Variants in IKZF2 observed in about 807,000 individuals in gnomAD.
The protein encoded by IKZF2 is zinc finger protein Helios.
IKZF2 carries 15 observed loss-of-function variants against 49.2 expected under a neutral mutation model. The observed-to-expected ratio is 0.30, with a 90% CI of 0.20 to 0.47. The LOEUF (loss-of-function observed/expected upper bound fraction) is 0.47. Ranked by LOEUF, IKZF2 falls within the 20% of genes least tolerant of loss-of-function variation. IKZF2 has a pLI of 1.00. For synonymous variants in IKZF2, 227 were observed against 221.4 expected (o/e 1.03, Z -0.23); for missense variants, 567 against 664.6 (o/e 0.85, Z 1.61).
Position 213,063,765 on chromosome 2 carries a change from G to A in IKZF2, c.140-6666C>T, listed in dbSNP as rs1050125508. On this transcript the variant is annotated intron_variant, in intron 4 of 8. Transcript: ENST00000434687. ...TCAATTCAAGATCTTTTGACTCGTAGCCTATCCATCCTTCTATGACATGAT... is the reference window on the plus strand; with the variant it reads ...TCAATTCAAGATCTTTTGACTCGTAACCTATCCATCCTTCTATGACATGAT... Among the ~76,000 whole-genome samples the A allele has an allele frequency of 2.0e-5, 3 of 151,874 alleles. No individual in the cohort carries two copies. In the South Asian group the frequency reaches 6.2e-4, roughly 32 times the overall value.
Position 213,005,076 on chromosome 2 carries a change from C to T in IKZF2, c.*2284G>A, listed in dbSNP as rs1049999306. The T allele has an allele frequency of 3.3e-5, 5 of 151,088 alleles. No homozygotes were observed. In the East Asian group the frequency reaches 9.9e-4, roughly 30 times the overall value. The allele number at this position is 151,088 out of a possible 1,614,324, so 9.4% of individuals were successfully genotyped here. A position where few individuals can be genotyped will look rare whatever the true frequency, so the allele number is the denominator to read the frequency against. On this transcript the variant is annotated 3_prime_UTR_variant, in exon 9 of 9. Coordinates refer to ENST00000434687, the MANE Select transcript of IKZF2 (RefSeq NM_001387220.1). Reference sequence around the variant, plus strand: ...CCAAAATTATGAACATATTGACTGACATCCAAATGTTTCCTTAAATTGCAG... The same window carrying T: ...CCAAAATTATGAACATATTGACTGATATCCAAATGTTTCCTTAAATTGCAG...
intron 7 of IKZF2, among the ~76,000 whole-genome samples, chr2:213,019,216 T>C (rs1238981278): frequency 3.3e-5 from 5 of 152,164 alleles, no homozygotes; most frequent in Admixed American, 3.3e-4. Context: ...AATATAACTA[T>C]GTCAGATATT....
In IKZF2 at chr2:213,003,609, T is replaced by G. The variant is rs1231528287; in HGVS notation, c.*3751A>C. On this transcript the variant is annotated 3_prime_UTR_variant, in exon 9 of 9. Transcript: ENST00000434687. Reference sequence around the variant, plus strand: ...AGCCCCGTCTGCTCTTTTTGTACCCTAAGAAATCATTTTGGAGATAGGATG... The same window carrying G: ...AGCCCCGTCTGCTCTTTTTGTACCCGAAGAAATCATTTTGGAGATAGGATG... The G allele has an allele frequency of 1.3e-5, 2 of 151,824 alleles. No homozygotes were observed. The highest frequency in any genetic ancestry group is 4.8e-5 in the African/African-American group (2 of 41,514). 9.4% of individuals were successfully genotyped at this position (151,824 alleles called of 1,614,324 possible).
chr2:213,146,283 TA>T (rs1313266230), intron 4 of IKZF2, among the ~76,000 whole-genome samples: 1 of 152,112 alleles, frequency 6.6e-6, no homozygotes, highest in Non-Finnish European at 1.5e-5. Context: ...AGTCATAGTA[TA>T]TTTTTTATCA....
At chr2:213,056,789 C>T (rs747017563) in intron 5 of IKZF2, 44 bp downstream of exon 5, 8 of 1,609,134 alleles carry the variant, frequency 5.0e-6, no homozygotes, top group Non-Finnish European at 6.8e-6. Flanking sequence ...ATATCAACAT[C>T]AGATGTCACA....
At chr2:213,027,994 A>T (rs6435754) in intron 6 of IKZF2, among the ~76,000 whole-genome samples, 151,037 of 152,226 alleles carry the variant, frequency 0.99, 74,937 homozygotes, top group Middle Eastern at 1. Flanking sequence ...AGATAAAACA[A>T]ATAAATATGT....
intron 4 of IKZF2, among the ~76,000 whole-genome samples, chr2:213,094,960 G>A (rs1705803553): frequency 6.6e-6 from 1 of 152,070 alleles, no homozygotes; most frequent in Admixed American, 6.6e-5. Flanking sequence ...AAGGTATTTT[G>A]GAAACAGAAT....
At chr2:213,072,681 T>C (rs1431641769) in intron 4 of IKZF2, among the ~76,000 whole-genome samples, 1 of 152,170 alleles carries the variant, frequency 6.6e-6, no homozygotes, top group South Asian at 2.1e-4. Flanking sequence ...TCCCCATTTA[T>C]AGGGCACCTT....
intron 7 of IKZF2, among the ~76,000 whole-genome samples, chr2:213,021,015 C>G (rs1377167177): frequency 6.6e-6 from 1 of 152,098 alleles, no homozygotes; most frequent in Admixed American, 6.5e-5. Flanking sequence ...GAGTTTGAGA[C>G]CAGCCTGGCC....
At chr2:213,044,158 C>A (rs918610328) in intron 6 of IKZF2, among the ~76,000 whole-genome samples, 2 of 152,174 alleles carry the variant, frequency 1.3e-5, no homozygotes, top group African/African-American at 4.8e-5. Flanking sequence ...AGGCTACATT[C>A]TTCTACCGAA....
At chr2:213,110,310 T>G (rs1349597257) in intron 4 of IKZF2, among the ~76,000 whole-genome samples, 1 of 151,936 alleles carries the variant, frequency 6.6e-6, no homozygotes, top group East Asian at 1.9e-4. Context: ...TGCTCAGCTG[T>G]CATCCCTCTA....
chr2:213,032,813 C>T (rs776652579), intron 6 of IKZF2, among the ~76,000 whole-genome samples: 1 of 152,146 alleles, frequency 6.6e-6, no homozygotes, highest in Non-Finnish European at 1.5e-5. Flanking sequence ...ATGTCGATGG[C>T]TACTGATTGA....
chr2:213,089,748 G>A (rs1705083081), intron 4 of IKZF2, among the ~76,000 whole-genome samples: 1 of 152,130 alleles, frequency 6.6e-6, no homozygotes, highest in African/African-American at 2.4e-5. Flanking sequence ...GGAGAATTCT[G>A]TAAGGGGGAG....
intron 4 of IKZF2, among the ~76,000 whole-genome samples, chr2:213,122,728 A>G (rs16849777): frequency 0.051 from 7,801 of 152,250 alleles, 647 homozygotes; most frequent in African/African-American, 0.17. Flanking sequence ...CTCCTACTTA[A>G]ATAATTCTCC....
chr2:213,108,002 C>T (rs78353506), intron 4 of IKZF2, among the ~76,000 whole-genome samples: 3,302 of 152,180 alleles, frequency 0.022, 125 homozygotes, highest in African/African-American at 0.075. Flanking sequence ...GAAGCAACAA[C>T]GGCCGTGAAA....
intron 8 of IKZF2, among the ~76,000 whole-genome samples, chr2:213,012,816 A>G (rs1696116112): frequency 6.6e-6 from 1 of 152,082 alleles, no homozygotes; most frequent in Non-Finnish European, 1.5e-5. Context: ...CTCAATCACC[A>G]TTTAATCAGG....
chr2:213,132,747 C>T (rs916961711), intron 4 of IKZF2, among the ~76,000 whole-genome samples: 13 of 152,196 alleles, frequency 8.5e-5, no homozygotes, highest in African/African-American at 3.1e-4. Context: ...GCAAACACAT[C>T]TTCTGAATTG....
chr2:213,025,561 C>G (rs1697731125), intron 6 of IKZF2, among the ~76,000 whole-genome samples: 2 of 152,100 alleles, frequency 1.3e-5, no homozygotes, highest in South Asian at 4.1e-4. Context: ...GGAGAGAGAT[C>G]TTGTTTTACT....
chr2:213,092,434 T>C (rs1166397670), intron 4 of IKZF2, among the ~76,000 whole-genome samples: 1 of 152,160 alleles, frequency 6.6e-6, no homozygotes, highest in Non-Finnish European at 1.5e-5. Context: ...TGGCTAGAGT[T>C]CTCACTTGCC....
Sources: gnomAD v4.1 joint callset for allele counts (sites outside exome capture counted in the v4.1 genomes callset) on GRCh38, gnomAD v4.1.1 for gene constraint, MANE v1.5 for transcripts, NCBI Gene and HGNC (gene_info 2026-07-23, HGNC 2026-07-21) for gene names.